Variants in EPHA3 observed in about 807,000 individuals in gnomAD.
The protein encoded by EPHA3 is EPH receptor A3, also known as ephrin type-A receptor 3.
In EPHA3, 42 loss-of-function variants were observed where a neutral mutation model predicts 107.1. That is an observed-to-expected ratio of 0.39 (90% CI 0.31 to 0.51). The LOEUF (loss-of-function observed/expected upper bound fraction) is 0.51, where lower values mean the gene tolerates loss of function less well. Ranked by LOEUF, EPHA3 falls within the 20% of genes least tolerant of loss-of-function variation. The pLI is 0.78. For missense variants in EPHA3, 1,183 were observed against 1,211.2 expected (o/e 0.98, Z 0.35); for synonymous variants, 461 against 424.8 (o/e 1.09, Z -1.05).
chr3:89,466,601 C>T (rs1203390640), intron 15 of EPHA3, among the ~76,000 whole-genome samples: 11 of 128,662 alleles, frequency 8.5e-5, no homozygotes, highest in Non-Finnish European at 1.7e-4. Flanking sequence ...TTTCCAGGTG[C>T]GTCCGTCACC....
At chr3:89,434,203 A>T (rs1459442146) in intron 13 of EPHA3, among the ~76,000 whole-genome samples, 3 of 152,078 alleles carry the variant, frequency 2.0e-5, no homozygotes, top group African/African-American at 4.8e-5. Context: ...GCCATATTAA[A>T]TTATTTATTT....
At position 89,395,832 on chromosome 3, in the gene EPHA3, T is replaced by A. The variant is rs1226462948; in HGVS notation, c.1307-5T>A. The A allele has an allele frequency of 6.2e-7, 1 of 1,613,582 alleles. No homozygotes were observed. Among genetic ancestry groups the A allele is most frequent in the South Asian group, 1.1e-5 (1 of 90,920 alleles). ...CCACCTTCCCCTCCCATCCTCTCTT[T>A]ACAGCTCCATCACCTGTCCTGACGA... On this transcript the variant is annotated splice_polypyrimidine_tract_variant and splice_region_variant and intron_variant, in intron 5 of 16. Coordinates refer to ENST00000336596, the MANE Select transcript of EPHA3 (RefSeq NM_005233.6).
intron 3 of EPHA3, among the ~76,000 whole-genome samples, chr3:89,300,366 GTA>G (rs1420634000): frequency 6.6e-6 from 1 of 151,876 alleles, no homozygotes; most frequent in Non-Finnish European, 1.5e-5. Flanking sequence ...AATATGTAAA[GTA>G]TATGTTTCAA....
chr3:89,181,868 A>G (rs1229569498), intron 2 of EPHA3, among the ~76,000 whole-genome samples: 4 of 151,972 alleles, frequency 2.6e-5, no homozygotes, highest in Non-Finnish European at 4.4e-5. Context: ...ATGGTTTTCA[A>G]TTATTTGAAT....
At chr3:89,370,402 C>T (rs1436173920) in intron 5 of EPHA3, among the ~76,000 whole-genome samples, 1 of 151,076 alleles carries the variant, frequency 6.6e-6, no homozygotes, top group Non-Finnish European at 1.5e-5. Flanking sequence ...TAAACTATCG[C>T]AAGGACAAAA....
At chr3:89,346,614 T>A (rs1241244310) in intron 5 of EPHA3, among the ~76,000 whole-genome samples, 2 of 150,934 alleles carry the variant, frequency 1.3e-5, no homozygotes, top group Admixed American at 6.6e-5. Flanking sequence ...CAGAAGCTCT[T>A]TATTTTAATT....
At chr3:89,388,855 G>A in intron 5 of EPHA3, among the ~76,000 whole-genome samples, 1 of 152,256 alleles carries the variant, frequency 6.6e-6, no homozygotes, top group South Asian at 2.1e-4. Context: ...TTGAAATTAT[G>A]TGATTTTGAA....
At chr3:89,175,481 A>T (rs760183876) in intron 2 of EPHA3, among the ~76,000 whole-genome samples, 6 of 152,178 alleles carry the variant, frequency 3.9e-5, no homozygotes, top group Non-Finnish European at 8.8e-5. Flanking sequence ...TTTAAATATT[A>T]AGACACAGGA....
intron 2 of EPHA3, among the ~76,000 whole-genome samples, chr3:89,178,260 A>G (rs1266328315): frequency 6.6e-6 from 1 of 152,058 alleles, no homozygotes; most frequent in Non-Finnish European, 1.5e-5. Flanking sequence ...AGATAGATAG[A>G]TAGTAAATAA....
intron 2 of EPHA3, among the ~76,000 whole-genome samples, chr3:89,178,762 T>C (rs948508239): frequency 2.6e-5 from 4 of 151,908 alleles, no homozygotes; most frequent in Admixed American, 6.6e-5. Context: ...TAACTTCTAT[T>C]TGTTGAGCCA....
chr3:89,466,593 T>C (rs1710280989), intron 15 of EPHA3, among the ~76,000 whole-genome samples: 1 of 129,158 alleles, frequency 7.7e-6, no homozygotes. Flanking sequence ...GACCCGATTT[T>C]CCAGGTGCGT....
At chr3:89,385,057 C>T (rs983676595) in intron 5 of EPHA3, among the ~76,000 whole-genome samples, 1 of 152,074 alleles carries the variant, frequency 6.6e-6, no homozygotes, top group Non-Finnish European at 1.5e-5. Context: ...TACATAAATA[C>T]AAATATTATA....
chr3:89,169,725 C>A (rs1705166903), intron 2 of EPHA3, among the ~76,000 whole-genome samples: 2 of 152,076 alleles, frequency 1.3e-5, no homozygotes, highest in African/African-American at 4.8e-5. Context: ...CTCTTAAGTT[C>A]TCTTGCATTT....
At chr3:89,164,222 C>T (rs900377029) in intron 2 of EPHA3, among the ~76,000 whole-genome samples, 14 of 152,196 alleles carry the variant, frequency 9.2e-5, no homozygotes, top group African/African-American at 3.1e-4. Flanking sequence ...ATTGTCTTTG[C>T]GCCACATATA....
intron 11 of EPHA3, among the ~76,000 whole-genome samples, chr3:89,424,526 C>A (rs527755130): frequency 6.7e-6 from 1 of 149,400 alleles, no homozygotes; most frequent in South Asian, 2.1e-4. Flanking sequence ...AATCTTAAAC[C>A]TTTTTTTTTG....
chr3:89,189,579 A>C lies in EPHA3; in HGVS notation c.154-20281A>C, dbSNP rs1050478453. Among the ~76,000 whole-genome samples the C allele has an allele frequency of 2.6e-5, 4 of 152,312 alleles. No homozygotes were observed. The East Asian group carries it at 7.7e-4, about 29-fold the overall frequency. ...CTGTACTGCAGCCTGGTGACAGAGC[A>C]AGACTTCGTCTCAAAACAAAAAACA... On this transcript the variant is annotated intron_variant, in intron 2 of 16. Coordinates refer to ENST00000336596, the MANE Select transcript of EPHA3 (RefSeq NM_005233.6).
chr3:89,323,962 T>G (rs1397884226), intron 3 of EPHA3, among the ~76,000 whole-genome samples: 2 of 152,020 alleles, frequency 1.3e-5, no homozygotes, highest in Non-Finnish European at 2.9e-5. Context: ...ATCCATTTTT[T>G]TTTGCAGTAC....
chr3:89,263,043 T>C (rs1390468452), intron 3 of EPHA3, among the ~76,000 whole-genome samples: 2 of 145,780 alleles, frequency 1.4e-5, no homozygotes, highest in Non-Finnish European at 3.0e-5. Context: ...GTTTGTTACA[T>C]AGGTATACAC....
At chr3:89,359,800 C>CACATATATAT (rs1243663124) in intron 5 of EPHA3, among the ~76,000 whole-genome samples, 19 of 139,266 alleles carry the variant, frequency 1.4e-4, no homozygotes, top group African/African-American at 2.0e-4. Context: ...TACATATATA[C>CACATATATAT]ACATATATAT....
Sources: allele counts gnomAD v4.1 joint callset (sites outside exome capture counted in the v4.1 genomes callset), GRCh38; gene constraint gnomAD v4.1.1; transcripts MANE v1.5; gene names NCBI Gene and HGNC (gene_info 2026-07-23, HGNC 2026-07-21).